Variants in SAMMSON observed in about 807,000 individuals in gnomAD.
SAMMSON encodes long intergenic non-protein coding RNA 1212.
At chr3:70,204,688 G>A (rs1701273974) in intron 4 of SAMMSON, 1 of 150,274 alleles carries the variant, frequency 6.7e-6, no homozygotes, top group South Asian at 2.1e-4. Context: ...GCTCTTGAGT[G>A]TCAGTTGCCA....
intron 9 of SAMMSON, among the ~76,000 whole-genome samples, chr3:70,368,585 G>A (rs193127042): frequency 4.0e-4 from 60 of 151,226 alleles, no homozygotes; most frequent in East Asian, 1.9e-3. Context: ...TTTTTTTTGC[G>A]TATGGGCATC....
At chr3:70,288,779 C>G (rs1271934146) in intron 6 of SAMMSON, among the ~76,000 whole-genome samples, 1 of 151,802 alleles carries the variant, frequency 6.6e-6, no homozygotes, top group Non-Finnish European at 1.5e-5. Flanking sequence ...ATAGTTAGCT[C>G]TTCTTGTTGA....
chr3:70,203,461 C>T (rs1440288209), intron 4 of SAMMSON, among the ~76,000 whole-genome samples: 1 of 152,056 alleles, frequency 6.6e-6, no homozygotes, highest in African/African-American at 2.4e-5. Context: ...TTAAATATGT[C>T]AAGATCTATT....
At chr3:70,232,409 T>A (rs531189385) in intron 4 of SAMMSON, among the ~76,000 whole-genome samples, 1 of 151,916 alleles carries the variant, frequency 6.6e-6, no homozygotes, top group South Asian at 2.1e-4. Flanking sequence ...TTCCTATTTT[T>A]TTTTTTTTCT....
chr3:70,377,607 C>G (rs1324513676), intron 9 of SAMMSON, among the ~76,000 whole-genome samples: 1 of 151,938 alleles, frequency 6.6e-6, no homozygotes, highest in Non-Finnish European at 1.5e-5. Flanking sequence ...AATTCAGAAA[C>G]TCAGAGCCAT....
At chr3:70,287,519 C>G (rs982965877) in intron 6 of SAMMSON, among the ~76,000 whole-genome samples, 5 of 151,792 alleles carry the variant, frequency 3.3e-5, no homozygotes, top group South Asian at 2.1e-4. Flanking sequence ...CTAAAATTCT[C>G]TTTTTTGGTT....
intron 7 of SAMMSON, among the ~76,000 whole-genome samples, chr3:70,294,037 A>C (rs1168476533): frequency 1.3e-5 from 2 of 152,186 alleles, no homozygotes; most frequent in African/African-American, 4.8e-5. Flanking sequence ...AATATTTATC[A>C]ATTTTTATTA....
chr3:70,039,689 T>G (rs2067099473), intron 3 of SAMMSON, among the ~76,000 whole-genome samples: 1 of 151,550 alleles, frequency 6.6e-6, no homozygotes, highest in Admixed American at 6.6e-5. Flanking sequence ...ATATGCCTAT[T>G]GGAAGTCTCT....
chr3:70,146,243 C>G (rs1321024430), intron 4 of SAMMSON, among the ~76,000 whole-genome samples: 3 of 151,974 alleles, frequency 2.0e-5, no homozygotes, highest in Non-Finnish European at 4.4e-5. Context: ...GATGAGTCCA[C>G]TAAACATTTA....
chr3:70,029,933 T>G (rs969823904), intron 3 of SAMMSON, among the ~76,000 whole-genome samples: 1 of 152,194 alleles, frequency 6.6e-6, no homozygotes, highest in South Asian at 2.1e-4. Context: ...AGATTCTCAC[T>G]TCTAGAATCG....
At chr3:70,158,305 T>C (rs979164489) in intron 4 of SAMMSON, among the ~76,000 whole-genome samples, 10 of 152,130 alleles carry the variant, frequency 6.6e-5, no homozygotes, top group African/African-American at 2.4e-4. Flanking sequence ...AATCATACAA[T>C]ATATGGTATT....
At chr3:70,116,943 G>A (rs1322602107) in intron 4 of SAMMSON, among the ~76,000 whole-genome samples, 4 of 151,992 alleles carry the variant, frequency 2.6e-5, no homozygotes, top group Admixed American at 6.6e-5. Flanking sequence ...TTTAAAACTC[G>A]TGCATTTGGT....
At chr3:70,154,931 T>C (rs1268623161) in intron 4 of SAMMSON, among the ~76,000 whole-genome samples, 1 of 151,654 alleles carries the variant, frequency 6.6e-6, no homozygotes, top group East Asian at 1.9e-4. Flanking sequence ...TAGGGGTTCA[T>C]GACATGAAAC....
chr3:70,257,313 T>C (rs1464647980), intron 6 of SAMMSON, among the ~76,000 whole-genome samples: 2 of 152,202 alleles, frequency 1.3e-5, no homozygotes, highest in Non-Finnish European at 2.9e-5. Context: ...ATGGAGATAT[T>C]GGGGAAGAAT....
At chr3:70,314,862 G>T (rs1324662954) in intron 7 of SAMMSON, among the ~76,000 whole-genome samples, 1 of 152,018 alleles carries the variant, frequency 6.6e-6, no homozygotes, top group Non-Finnish European at 1.5e-5. Context: ...TCATTTTGAA[G>T]GCTTTCTAAG....
chr3:70,215,347 G>A (rs778025868), intron 4 of SAMMSON, among the ~76,000 whole-genome samples: 2 of 152,062 alleles, frequency 1.3e-5, no homozygotes, highest in Non-Finnish European at 2.9e-5. Flanking sequence ...CTTCAGAAAC[G>A]AAGCACTCTG....
intron 3 of SAMMSON, among the ~76,000 whole-genome samples, chr3:70,041,292 A>G (rs1453734491): frequency 6.6e-6 from 1 of 152,122 alleles, no homozygotes; most frequent in African/African-American, 2.4e-5. Context: ...CTGGGAAGTA[A>G]TATTTTTAAA....
chr3:69,999,990 T>C (rs1023642875), intron 1 of SAMMSON: 3 of 152,218 alleles, frequency 2.0e-5, no homozygotes, highest in African/African-American at 7.2e-5. Flanking sequence ...AATACAACTT[T>C]GCACTCATTC....
chr3:70,201,798 C>T (rs1271627315), intron 4 of SAMMSON, among the ~76,000 whole-genome samples: 1 of 152,156 alleles, frequency 6.6e-6, no homozygotes, highest in Non-Finnish European at 1.5e-5. Context: ...TCTTGCCCTC[C>T]TCTGTGCTGG....
Sources: gnomAD v4.1 joint callset for allele counts (sites outside exome capture counted in the v4.1 genomes callset) on GRCh38, gnomAD v4.1.1 for gene constraint, MANE v1.5 for transcripts, NCBI Gene and HGNC (gene_info 2026-07-23, HGNC 2026-07-21) for gene names.